Variants in TEAD4 observed in about 807,000 individuals in gnomAD.
TEAD4 encodes TEA domain transcription factor 4, also known as transcriptional enhancer factor TEF-3.
In TEAD4, 36 loss-of-function variants were observed where a neutral mutation model predicts 52.4. The observed-to-expected ratio is 0.69, with a 90% CI of 0.53 to 0.91. The LOEUF is 0.91. Ranked by LOEUF, TEAD4 falls within the 40% of genes least tolerant of loss-of-function variation. TEAD4 has a pLI of 0.00. For missense variants in TEAD4, 508 were observed against 583.9 expected, an observed-to-expected ratio of 0.87 and a Z score of 1.34; for synonymous variants, 220 against 231.0, an observed-to-expected ratio of 0.95 and a Z score of 0.43.
chr12:2,967,205 T>A (rs553171637), intron 2 of TEAD4, among the ~76,000 whole-genome samples: 1 of 90,230 alleles, frequency 1.1e-5, no homozygotes, highest in East Asian at 4.0e-4. Flanking sequence ...AAATGATACA[T>A]AATACTATAA....
intron 2 of TEAD4, among the ~76,000 whole-genome samples, chr12:2,968,275 A>G (rs2098222126): frequency 6.7e-6 from 1 of 148,278 alleles, no homozygotes; most frequent in African/African-American, 2.5e-5. Context: ...TAGTAAAGAT[A>G]GGGTTTTTCC....
intron 5 of TEAD4, among the ~76,000 whole-genome samples, chr12:3,013,468 G>T (rs1462952121): frequency 6.6e-6 from 1 of 152,092 alleles, no homozygotes; most frequent in Non-Finnish European, 1.5e-5. Context: ...GCCAGGCGCG[G>T]TGGCTCACGC....
chr12:2,997,548 TG>T (rs140481287), intron 3 of TEAD4, among the ~76,000 whole-genome samples: 18,519 of 151,016 alleles, frequency 0.12, 2,139 homozygotes, highest in African/African-American at 0.3. Flanking sequence ...GCAGGGGGAG[TG>T]TAGGGAAGGG....
Position 3,040,562 on chromosome 12 carries a change from T to C in TEAD4, c.*84T>C. The stretch of plus-strand genomic sequence containing the variant: ...GAGGGGACCTGCAGGGGCAGCCCCC[T>C]GAAGTGCCAAGAGAGCTGAGAGGAG... On this transcript the variant is annotated 3_prime_UTR_variant, in exon 13 of 13. Transcript: ENST00000359864. The C allele has an allele frequency of 7.9e-7, 1 of 1,259,752 alleles. No homozygotes were observed. Among genetic ancestry groups the C allele is most frequent in the South Asian group, 1.3e-5 (1 of 77,946 alleles). 78.0% of individuals were successfully genotyped at this position (1,259,752 alleles called of 1,614,324 possible). A position where few individuals can be genotyped will look rare whatever the true frequency, so the allele number is the denominator to read the frequency against.
intron 2 of TEAD4, among the ~76,000 whole-genome samples, chr12:2,960,825 C>T (rs2098214666): frequency 2.0e-5 from 3 of 152,154 alleles, no homozygotes; most frequent in Non-Finnish European, 2.9e-5. Context: ...TTCTTCCTCC[C>T]TACATAGCCG....
chr12:3,003,959 T>C (rs1460168851), intron 3 of TEAD4, among the ~76,000 whole-genome samples: 4 of 152,220 alleles, frequency 2.6e-5, no homozygotes, highest in Non-Finnish European at 1.5e-5. Flanking sequence ...CTCACTGCCA[T>C]GGCCCTTCTT....
chr12:3,001,998 A>C (rs1458593405), intron 3 of TEAD4, among the ~76,000 whole-genome samples: 2 of 152,108 alleles, frequency 1.3e-5, no homozygotes, highest in African/African-American at 4.8e-5. Flanking sequence ...AGGCTGAGCC[A>C]CGAGAATTGC....
chr12:2,987,055 G>A (rs1306616565), intron 2 of TEAD4, among the ~76,000 whole-genome samples: 1 of 152,232 alleles, frequency 6.6e-6, no homozygotes, highest in Non-Finnish European at 1.5e-5. Context: ...GGTGGAACAG[G>A]ATATGGGGAC....
intron 3 of TEAD4, among the ~76,000 whole-genome samples, chr12:3,008,399 G>C (rs1476739984): frequency 6.6e-6 from 1 of 152,210 alleles, no homozygotes; most frequent in African/African-American, 2.4e-5. Context: ...GACTAGATCA[G>C]AGAGGTGACT....
At chr12:3,000,409 C>A (rs2098250695) in intron 3 of TEAD4, among the ~76,000 whole-genome samples, 1 of 152,148 alleles carries the variant, frequency 6.6e-6, no homozygotes, top group Non-Finnish European at 1.5e-5. Flanking sequence ...TCTGCAGAGT[C>A]CCGAGGTGGT....
intron 5 of TEAD4, among the ~76,000 whole-genome samples, 191 bp downstream of exon 5, chr12:3,012,423 C>T (rs1009321840): frequency 1.3e-5 from 2 of 152,168 alleles, no homozygotes; most frequent in African/African-American, 4.8e-5. Context: ...ATGCCTGGCT[C>T]CCCACACCCT....
At chr12:3,035,864 C>T (rs1219869256) in intron 10 of TEAD4, among the ~76,000 whole-genome samples, 3 of 151,782 alleles carry the variant, frequency 2.0e-5, no homozygotes, top group Non-Finnish European at 4.4e-5. Context: ...AACAGGAGCC[C>T]GAAAGCCTGG....
In TEAD4 at chr12:2,969,758, C is replaced by T. The variant is rs531512279; in HGVS notation, c.-30+9718C>T. On this transcript the variant is annotated intron_variant, in intron 2 of 12. Coordinates refer to ENST00000359864, the MANE Select transcript of TEAD4 (RefSeq NM_003213.4). ...GAGGGAATTATTGCGTGGCTGCCATCGTCTTTGTCCAAACAAGCACGGTGT... is the reference window on the plus strand; with the variant it reads ...GAGGGAATTATTGCGTGGCTGCCATTGTCTTTGTCCAAACAAGCACGGTGT... Among the ~76,000 whole-genome samples the T allele has an allele frequency of 7.9e-4, 121 of 152,284 alleles. 1 individual carries two copies. The highest frequency in any genetic ancestry group is 2.6e-3 in the African/African-American group (110 of 41,562).
Position 3,022,006 on chromosome 12 carries a change from G to C in TEAD4, c.886G>C (p.Val296Leu). 5.6e-6 allele frequency: 9 copies of C among 1,614,130 alleles called. No homozygotes were observed. The highest frequency in any genetic ancestry group is 7.6e-6 in the Non-Finnish European group (9 of 1,179,978). Residue 296 changes from valine to leucine, a missense_variant, in exon 10 of 13, where the codon GTG (valine) becomes CTG (leucine). Val to Leu is a conservative substitution (Grantham distance 32, BLOSUM62 1). Transcript: ENST00000359864. ...GGGACCCTCCAATGCCTTTTTTCTT[G>C]TGAAGTTCTGGGTAAGCCTGTGATA...
chr12:3,013,385 C>T (rs529070727), intron 5 of TEAD4, among the ~76,000 whole-genome samples: 9 of 152,124 alleles, frequency 5.9e-5, no homozygotes, highest in African/African-American at 1.4e-4. Context: ...CCTCTCCTCC[C>T]GCGCATCCTT....
At chr12:3,039,631 C>G (rs2153958926) in intron 11 of TEAD4, among the ~76,000 whole-genome samples, 1 of 152,296 alleles carries the variant, frequency 6.6e-6, no homozygotes, top group South Asian at 2.1e-4. Flanking sequence ...CCGGTTCCTG[C>G]TGGCCACCCA....
intron 5 of TEAD4, chr12:3,017,042 T>C (rs1397915720): frequency 2.6e-5 from 12 of 467,664 alleles, no homozygotes; most frequent in Non-Finnish European, 4.3e-5. Flanking sequence ...CCAGCAGATA[T>C]TCATGCATCG....
At chr12:3,039,476 G>A (rs1373593723) in intron 11 of TEAD4, among the ~76,000 whole-genome samples, 2 of 152,226 alleles carry the variant, frequency 1.3e-5, no homozygotes, top group East Asian at 1.9e-4. Flanking sequence ...GCTTGCATGC[G>A]TGTGTGTAGA....
At chr12:2,965,861 A>G (rs1284392629) in intron 2 of TEAD4, among the ~76,000 whole-genome samples, 1 of 152,022 alleles carries the variant, frequency 6.6e-6, no homozygotes, top group Non-Finnish European at 1.5e-5. Flanking sequence ...TTTTTAAATT[A>G]TCATTATTAT....
Sources: allele counts gnomAD v4.1 joint callset (sites outside exome capture counted in the v4.1 genomes callset), GRCh38; gene constraint gnomAD v4.1.1; transcripts MANE v1.5; gene names NCBI Gene and HGNC (gene_info 2026-07-23, HGNC 2026-07-21).